Variants in SPATA31E1 observed in about 807,000 individuals in gnomAD.
SPATA31E1 encodes spermatogenesis-associated protein 31E1.
A neutral mutation model predicts 12.9 loss-of-function variants in SPATA31E1; 7 were observed. The observed-to-expected ratio is 0.54, with a 90% CI of 0.31 to 1.02. The LOEUF is 1.02. Among genes scored for constraint, SPATA31E1 ranks in the 50% least tolerant of loss-of-function variants. The pLI is 0.05. For missense variants in SPATA31E1, 1,961 were observed against 1,799.8 expected, an observed-to-expected ratio of 1.09 and a Z score of -1.62; for synonymous variants, 771 against 719.0, an observed-to-expected ratio of 1.07 and a Z score of -1.16.
At position 87,888,452 on chromosome 9, in the gene SPATA31E1, T is replaced by A; in HGVS notation, c.3965T>A (p.Val1322Asp). 4 of 1,613,006 alleles carry A rather than the reference T, an allele frequency of 2.5e-6. No individual in the cohort carries two copies. The highest frequency in any genetic ancestry group is 2.5e-6 in the Non-Finnish European group (3 of 1,179,704). Residue 1322 changes from valine to aspartate, a missense_variant, in exon 4 of 4, where the codon GTT becomes GAT. By Grantham distance (152) the Val-to-Asp change is radical (BLOSUM62 -3). Transcript: ENST00000325643. ...GACAAAGCCTGGACCATCAGCAGAG[T>A]TGTGGGACAAATCCTGGTGGACAAA... is the stretch of plus-strand genomic sequence containing the variant. ...MADKAWTISR[V>D]VGQILVDKLG...
chr9:87,885,115 T>A lies in SPATA31E1; in HGVS notation c.628T>A (p.Ser210Thr). ...STLSPGPMTF[S>T]EPFGPHSTLS... ...CCTGTCACCAGGCCCGATGACCTTC[T>A]CAGAGCCTTTTGGACCACACTCAAC... The change falls in exon 4 of 4, where the codon TCA becomes ACA. Residue 210 changes from serine (S) to threonine (T), a missense_variant. Physicochemically the swap from Ser to Thr is moderately conservative, Grantham distance 58. Coordinates refer to ENST00000325643, the MANE Select transcript of SPATA31E1 (RefSeq NM_178828.5). 6.2e-7 allele frequency: 1 copy of A among 1,614,122 alleles called. No homozygotes were observed. The highest frequency in any genetic ancestry group is 8.5e-7 in the Non-Finnish European group (1 of 1,180,000).
chr9:87,883,115 G>A lies in SPATA31E1; in HGVS notation c.224G>A (p.Gly75Asp), dbSNP rs138600178. The stretch of plus-strand genomic sequence containing the variant: ...GATTTCATCCTCACCAGTGTGTGTG[G>A]CCTAGTGCTCCTCTTCCTATTGCTC... ...MMDFILTSVC[G>D]LVLLFLLLLY... The change falls in exon 1 of 4, where the codon GGC becomes GAC. Residue 75 changes from glycine to aspartate, a missense_variant. By Grantham distance (94) the Gly-to-Asp change is moderately conservative. Transcript: ENST00000325643. The A allele has an allele frequency of 5.0e-5, 81 of 1,604,922 alleles. No individual in the cohort carries two copies. The highest frequency in any genetic ancestry group is 6.7e-5 in the Non-Finnish European group (79 of 1,175,606).
rs947219744 is a variant in SPATA31E1, at chr9:87,884,753, G to T, written c.425+102G>T. On this transcript the variant is annotated intron_variant, in intron 3 of 3. Coordinates refer to ENST00000325643, the MANE Select transcript of SPATA31E1 (RefSeq NM_178828.5). ...TCTGGGAGGGGGAGGTCCCGGGAAG[G>T]GGACAGGAGGGGACTGAAGCCCTGG... The T allele has an allele frequency of 1.1e-5, 16 of 1,506,678 alleles. No homozygotes were observed. The African/African-American group carries it at 1.9e-4, about 18-fold the overall frequency. The allele number at this position is 1,506,678 out of a possible 1,614,324, so 93.3% of individuals were successfully genotyped here. A position where few individuals can be genotyped will look rare whatever the true frequency, so the allele number is the denominator to read the frequency against.
At position 87,887,001 on chromosome 9, in the gene SPATA31E1, T is replaced by C. The variant is rs764566143; in HGVS notation, c.2514T>C (p.His838=). Residue 838 remains histidine, a synonymous_variant, in exon 4 of 4, where the codon CAT becomes CAC. Coordinates refer to ENST00000325643, the MANE Select transcript of SPATA31E1 (RefSeq NM_178828.5). Reference sequence around the variant, plus strand: ...GCACCCAGCAGATACTGGAAGTACATCTTGTAAGGTTCTGTGTGAGGCACA... The same window carrying C: ...GCACCCAGCAGATACTGGAAGTACACCTTGTAAGGTTCTGTGTGAGGCACA... ...HPCTQQILEV[H]LVRFCVRHSW... 6 of 1,613,966 alleles carry C rather than the reference T, an allele frequency of 3.7e-6. No homozygotes were observed. The Admixed American group carries it at 5.0e-5, about 13-fold the overall frequency.
Position 87,887,798 on chromosome 9 carries a change from T to A in SPATA31E1, c.3311T>A (p.Val1104Glu). The change falls in exon 4 of 4, where the codon GTG becomes GAG. Residue 1104 changes from valine to glutamate, a missense_variant. By Grantham distance (121) the Val-to-Glu change is moderately radical. Coordinates refer to ENST00000325643, the MANE Select transcript of SPATA31E1 (RefSeq NM_178828.5). Reference protein sequence around the residue: ...AQVVSEIALIVQVDSEEQLPG... With the variant: ...AQVVSEIALIEQVDSEEQLPG... Reference sequence around the variant, plus strand: ...GTGGTCAGTGAGATTGCGCTCATAGTGCAGGTGGACTCAGAGGAGCAGCTG... The same window carrying A: ...GTGGTCAGTGAGATTGCGCTCATAGAGCAGGTGGACTCAGAGGAGCAGCTG... 1 of 1,613,942 alleles carries A rather than the reference T, an allele frequency of 6.2e-7. No individual in the cohort carries two copies.
rs541184126 is a variant in SPATA31E1 at position 87,885,329 on chromosome 9, T to G, written c.842T>G (p.Leu281Arg). 1 of 1,613,906 alleles carries G rather than the reference T, an allele frequency of 6.2e-7. No homozygotes were observed. Among genetic ancestry groups the G allele is most frequent in the African/African-American group, 1.3e-5 (1 of 75,024 alleles). Residue 281 changes from leucine to arginine, a missense_variant, in exon 4 of 4, where the codon CTA becomes CGA. Physicochemically the swap from Leu to Arg is moderately radical, Grantham distance 102. Coordinates refer to ENST00000325643, the MANE Select transcript of SPATA31E1 (RefSeq NM_178828.5). ...TGCCCCGTCCCCCAGAGCTCCCCTCTACACAACCAGGTGCTGCCTCCTCCA... is the reference window on the plus strand; with the variant it reads ...TGCCCCGTCCCCCAGAGCTCCCCTCGACACAACCAGGTGCTGCCTCCTCCA... ...TTCPVPQSSPLHNQVLPPPTR... is the reference protein window; with the variant it reads ...TTCPVPQSSPRHNQVLPPPTR...
Position 87,887,038 on chromosome 9 carries a change from G to A in SPATA31E1, c.2551G>A (p.Asp851Asn), listed in dbSNP as rs753790323. ...CTGTGTGAGGCACAGCTGGGGTACA[G>A]ACCTCCAGTCCCTGGAGCCCATAAA... ...RFCVRHSWGT[D>N]LQSLEPINVW... Residue 851 changes from aspartate to asparagine, a missense_variant, in exon 4 of 4, where the codon GAC becomes AAC. Asp to Asn is a conservative substitution (Grantham distance 23, BLOSUM62 1). Transcript: ENST00000325643. 6.2e-7 allele frequency: 1 copy of A among 1,614,144 alleles called. No homozygotes were observed. The highest frequency in any genetic ancestry group is 8.5e-7 in the Non-Finnish European group (1 of 1,180,028).
In SPATA31E1 at chr9:87,886,476, G is replaced by T. The variant is rs762707411; in HGVS notation, c.1989G>T (p.Arg663Ser). 6.2e-7 allele frequency: 1 copy of T among 1,613,970 alleles called. No homozygotes were observed. The highest frequency in any genetic ancestry group is 8.5e-7 in the Non-Finnish European group (1 of 1,179,988). The change falls in exon 4 of 4, where the codon AGG (arginine) becomes AGT (serine). Residue 663 changes from arginine to serine, a missense_variant. Arg to Ser is a moderately radical substitution (Grantham distance 110). Coordinates refer to ENST00000325643, the MANE Select transcript of SPATA31E1 (RefSeq NM_178828.5). Reference sequence around the variant, plus strand: ...AGCCTGATGGGGAATTCCCAGGGAGGCCCCAGAGTCAGGCAGAAGACACGC... The same window carrying T: ...AGCCTGATGGGGAATTCCCAGGGAGTCCCCAGAGTCAGGCAGAAGACACGC... The part of the protein sequence containing the change: ...LLQPDGEFPG[R>S]PQSQAEDTQQ...
rs1315152634 is a variant in SPATA31E1, at chr9:87,885,277, G to C, written c.790G>C (p.Ala264Pro). ...SSPPPPDSSL[A>P]GLQCGSTTCP... Reference sequence around the variant, plus strand: ...TCCACCTCCACCCGACTCCAGCCTGGCTGGACTTCAGTGTGGCTCCACAAC... The same window carrying C: ...TCCACCTCCACCCGACTCCAGCCTGCCTGGACTTCAGTGTGGCTCCACAAC... Residue 264 changes from alanine (A) to proline (P), a missense_variant, in exon 4 of 4, where the codon GCT becomes CCT. By Grantham distance (27) the Ala-to-Pro change is conservative. Transcript: ENST00000325643. 6.2e-7 allele frequency: 1 copy of C among 1,613,946 alleles called. No individual in the cohort carries two copies. The highest frequency in any genetic ancestry group is 8.5e-7 in the Non-Finnish European group (1 of 1,179,988).
Position 87,888,418 on chromosome 9 carries a change from T to C in SPATA31E1, c.3931T>C (p.Cys1311Arg), listed in dbSNP as rs763361671. 1.9e-6 allele frequency: 3 copies of C among 1,614,180 alleles called. No homozygotes were observed. The South Asian group carries it at 3.3e-5, about 18-fold the overall frequency. Residue 1311 changes from cysteine to arginine, a missense_variant, in exon 4 of 4, where the codon TGC becomes CGC. Transcript: ENST00000325643. The part of the protein sequence containing the change: ...GSGPPRQFMD[C>R]MADKAWTISR... ...TGGCCCACCAAGGCAGTTTATGGAC[T>C]GCATGGCTGACAAAGCCTGGACCAT...
At position 87,884,665 on chromosome 9, in the gene SPATA31E1, C is replaced by G. The variant is rs199885345; in HGVS notation, c.425+14C>G. The G allele has an allele frequency of 7.5e-5, 121 of 1,614,078 alleles. No individual in the cohort carries two copies. The Middle Eastern group carries it at 1.8e-3, about 24-fold the overall frequency. On this transcript the variant is annotated intron_variant, in intron 3 of 3. Coordinates refer to ENST00000325643, the MANE Select transcript of SPATA31E1 (RefSeq NM_178828.5). ...CCTTCTGGAAAGGTGAGGAGCTTCC[C>G]CCTTCTGTCCCTGTCCTCCTTCCTA...
At position 87,886,800 on chromosome 9, in the gene SPATA31E1, G is replaced by A. The variant is rs1828285058; in HGVS notation, c.2313G>A (p.Arg771=). The A allele has an allele frequency of 1.2e-6, 2 of 1,614,020 alleles. No homozygotes were observed. The highest frequency in any genetic ancestry group is 1.7e-5 in the Admixed American group (1 of 60,014). The stretch of plus-strand genomic sequence containing the variant: ...ACAAGCTGCAAATCCATCTGGCCAG[G>A]AAGGTAGGGGAGATCAAAGAGGGCT... The part of the protein sequence containing the change: ...LENKLQIHLA[R]KVGEIKEGWI... Residue 771 remains arginine (R), a synonymous_variant, in exon 4 of 4, where the codon AGG becomes AGA. Coordinates refer to ENST00000325643, the MANE Select transcript of SPATA31E1 (RefSeq NM_178828.5).
rs1282837222 is a variant in SPATA31E1 at position 87,887,650 on chromosome 9, G to T, written c.3163G>T (p.Ala1055Ser). 1 of 1,614,136 alleles carries T rather than the reference G, an allele frequency of 6.2e-7. No individual in the cohort carries two copies. Among genetic ancestry groups the T allele is most frequent in the Admixed American group, 1.7e-5 (1 of 60,036 alleles). Residue 1055 changes from alanine to serine, a missense_variant, in exon 4 of 4, where the codon GCA becomes TCA. Transcript: ENST00000325643. The part of the protein sequence containing the change: ...WEVTLGASVR[A>S]SSGSVQEDLR... Reference sequence around the variant, plus strand: ...AGTCACCTTGGGAGCCAGTGTGAGGGCAAGTTCGGGAAGTGTTCAGGAGGA... The same window carrying T: ...AGTCACCTTGGGAGCCAGTGTGAGGTCAAGTTCGGGAAGTGTTCAGGAGGA...
rs559642473 is a variant in SPATA31E1, at chr9:87,885,739, C to T, written c.1252C>T (p.Arg418Cys). 38 of 1,613,980 alleles carry T rather than the reference C, an allele frequency of 2.4e-5. No homozygotes were observed. Among genetic ancestry groups the T allele is most frequent in the African/African-American group, 6.7e-5 (5 of 75,058 alleles). Residue 418 changes from arginine (R) to cysteine (C), a missense_variant, in exon 4 of 4, where the codon CGT (arginine) becomes TGT (cysteine). Physicochemically the swap from Arg to Cys is radical, Grantham distance 180. Coordinates refer to ENST00000325643, the MANE Select transcript of SPATA31E1 (RefSeq NM_178828.5). ...GTCAACCCAGCCACAGCAGCTGCCC[C>T]GTCCTCAGCAAGTCTCTGATGCCAC... The part of the protein sequence containing the change: ...NVSTQPQQLP[R>C]PQQVSDATTV...
chr9:87,883,064 G>A lies in SPATA31E1; in HGVS notation c.173G>A (p.Ser58Asn), dbSNP rs1362399936. Residue 58 changes from serine to asparagine, a missense_variant, in exon 1 of 4, where the codon AGC (serine) becomes AAC (asparagine). Coordinates refer to ENST00000325643, the MANE Select transcript of SPATA31E1 (RefSeq NM_178828.5). ...AAGAGCCCTAGTGCCACATGGCTGA[G>A]CCCTAGCTCCACTCCCTGGATGATG... ...PLKSPSATWL[S>N]PSSTPWMMDF... 2 of 1,613,338 alleles carry A rather than the reference G, an allele frequency of 1.2e-6. No homozygotes were observed. The highest frequency in any genetic ancestry group is 1.7e-6 in the Non-Finnish European group (2 of 1,179,796).
In SPATA31E1 at chr9:87,887,942, C is replaced by G. The variant is rs981976803; in HGVS notation, c.3455C>G (p.Thr1152Ser). Residue 1152 changes from threonine (T) to serine (S), a missense_variant, in exon 4 of 4, where the codon ACC becomes AGC. Transcript: ENST00000325643. ...CTGCCCACTCAAGCCCCTCTGTCCA[C>G]CTCCCAGAGTGTGTCTGGTAAGAAC... ...DRLPTQAPLS[T>S]SQSVSGKNMT... The G allele has an allele frequency of 1.9e-6, 3 of 1,613,942 alleles. No individual in the cohort carries two copies. The Admixed American group carries it at 5.0e-5, about 27-fold the overall frequency.
rs373393263 is a variant in SPATA31E1 at position 87,885,203 on chromosome 9, A to G, written c.716A>G (p.His239Arg). 5 of 1,613,964 alleles carry G rather than the reference A, an allele frequency of 3.1e-6. No homozygotes were observed. Among genetic ancestry groups the G allele is most frequent in the Non-Finnish European group, 4.2e-6 (5 of 1,179,994 alleles). ...LPLKCPATQP[H>R]VVFPPSPQPH... is the part of the protein sequence containing the mutation. ...CTAAAATGCCCTGCAACCCAGCCAC[A>G]TGTGGTTTTTCCTCCTTCACCACAG... is the stretch of plus-strand genomic sequence containing the variant. The change falls in exon 4 of 4, where the codon CAT becomes CGT. Residue 239 changes from histidine to arginine, a missense_variant. By Grantham distance (29) the His-to-Arg change is conservative. Coordinates refer to ENST00000325643, the MANE Select transcript of SPATA31E1 (RefSeq NM_178828.5).
In SPATA31E1 at chr9:87,886,749, G is replaced by A. The variant is rs1033039841; in HGVS notation, c.2262G>A (p.Arg754=). The change falls in exon 4 of 4, where the codon AGG becomes AGA. Residue 754 remains arginine (R), a synonymous_variant. Transcript: ENST00000325643. The stretch of plus-strand genomic sequence containing the variant: ...ACCAATCAGTAAGTTCCACACCCAG[G>A]GACCCAGACAAGGAGCATCTGGAAA... The part of the protein sequence containing the change: ...WKYQSVSSTP[R]DPDKEHLENK... 2 of 1,613,860 alleles carry A rather than the reference G, an allele frequency of 1.2e-6. No individual in the cohort carries two copies. The highest frequency in any genetic ancestry group is 1.3e-5 in the African/African-American group (1 of 74,906).
chr9:87,886,925 G>C lies in SPATA31E1; in HGVS notation c.2438G>C (p.Gly813Ala). The C allele has an allele frequency of 2.5e-6, 4 of 1,614,106 alleles. No individual in the cohort carries two copies. The highest frequency in any genetic ancestry group is 2.5e-6 in the Non-Finnish European group (3 of 1,180,024). ...RKPGKLASWR[G>A]GKAHVNTSQE... ...CCTGGGAAGCTGGCATCCTGGAGGG[G>C]TGGGAAAGCCCACGTGAACACCTCC... is the stretch of plus-strand genomic sequence containing the variant. Residue 813 changes from glycine (G) to alanine (A), a missense_variant, in exon 4 of 4, where the codon GGT (glycine) becomes GCT (alanine). Coordinates refer to ENST00000325643, the MANE Select transcript of SPATA31E1 (RefSeq NM_178828.5).
Sources: allele counts gnomAD v4.1 joint callset, GRCh38; gene constraint gnomAD v4.1.1; transcripts MANE v1.5; gene names NCBI Gene and HGNC (gene_info 2026-07-23, HGNC 2026-07-21).